The following CDH13 variants were observed in gnomAD, a reference collection of about 807,000 sequenced individuals.
The protein encoded by CDH13 is cadherin 13.
In CDH13, 24 loss-of-function variants were observed where a neutral mutation model predicts 63.8. That is an observed-to-expected ratio of 0.38 (90% CI 0.27 to 0.53). The LOEUF (loss-of-function observed/expected upper bound fraction) is 0.53, where lower values mean the gene tolerates loss of function less well. CDH13 is among the 20% of genes least tolerant of loss of function. CDH13 has a pLI of 0.85. For synonymous variants in CDH13, 503 were observed against 355.3 expected (o/e 1.42, Z -4.67); for missense variants, 1,049 against 903.1 (o/e 1.16, Z -2.07).
chr16:83,065,609 G>A (rs964999716), intron 3 of CDH13, among the ~76,000 whole-genome samples: 11 of 151,548 alleles, frequency 7.3e-5, no homozygotes, highest in Admixed American at 5.3e-4. Context: ...GGAGGCTAAG[G>A]CAAGAGAATC....
chr16:82,703,334 T>A (rs1410574259), intron 1 of CDH13, among the ~76,000 whole-genome samples: 1 of 152,108 alleles, frequency 6.6e-6, no homozygotes, highest in Admixed American at 6.5e-5. Flanking sequence ...CTTCTCACTG[T>A]GAACCCTGAG....
At chr16:83,263,436 C>G (rs995895042) in intron 5 of CDH13, among the ~76,000 whole-genome samples, 6 of 152,088 alleles carry the variant, frequency 3.9e-5, no homozygotes, top group Admixed American at 1.3e-4. Context: ...GGTTCTTCCT[C>G]TTGAGATATG....
At chr16:83,517,263 T>C (rs1333800652) in intron 7 of CDH13, among the ~76,000 whole-genome samples, 1 of 152,232 alleles carries the variant, frequency 6.6e-6, no homozygotes, top group East Asian at 1.9e-4. Context: ...AAAGAGATTA[T>C]CAATCTAAAA....
chr16:83,433,713 C>G (rs1184657267), intron 6 of CDH13, among the ~76,000 whole-genome samples: 2 of 152,206 alleles, frequency 1.3e-5, no homozygotes, highest in Non-Finnish European at 2.9e-5. Flanking sequence ...ATGTGGCAAA[C>G]AGGCTGATGT....
chr16:83,713,797 C>T (rs1908454374), intron 10 of CDH13, among the ~76,000 whole-genome samples: 2 of 152,142 alleles, frequency 1.3e-5, no homozygotes, highest in Admixed American at 1.3e-4. Context: ...CAGTCCATGC[C>T]AGTGACGTCA....
intron 1 of CDH13, among the ~76,000 whole-genome samples, chr16:82,762,542 T>G (rs1184570039): frequency 6.6e-6 from 1 of 152,216 alleles, no homozygotes; most frequent in African/African-American, 2.4e-5. Flanking sequence ...TTCTACTAAT[T>G]AGAAGCCAGA....
chr16:82,888,434 A>G (rs1184600677), intron 2 of CDH13, among the ~76,000 whole-genome samples: 1 of 152,232 alleles, frequency 6.6e-6, no homozygotes, highest in Non-Finnish European at 1.5e-5. Context: ...GGACTGGACT[A>G]GAAACAGAAT....
intron 4 of CDH13, among the ~76,000 whole-genome samples, chr16:83,160,262 T>G (rs1377513784): frequency 6.6e-6 from 1 of 152,028 alleles, no homozygotes; most frequent in Non-Finnish European, 1.5e-5. Flanking sequence ...TCATTGGTAA[T>G]GAGGGAGGCT....
intron 6 of CDH13, among the ~76,000 whole-genome samples, chr16:83,375,956 G>T (rs115515896): frequency 6.6e-6 from 1 of 152,188 alleles, no homozygotes; most frequent in African/African-American, 2.4e-5. Context: ...GACTATTAGG[G>T]TGAGTTTAAG....
intron 1 of CDH13, among the ~76,000 whole-genome samples, chr16:82,790,977 C>T (rs2036269004): frequency 6.6e-6 from 1 of 152,212 alleles, no homozygotes; most frequent in African/African-American, 2.4e-5. Context: ...GTGGCTCACG[C>T]CTGTAATCCC....
intron 8 of CDH13, among the ~76,000 whole-genome samples, chr16:83,627,853 C>A (rs1483870289): frequency 6.6e-6 from 1 of 152,190 alleles, no homozygotes; most frequent in African/African-American, 2.4e-5. Flanking sequence ...GACAGAGCAG[C>A]CCCAAGGGCC....
intron 10 of CDH13, among the ~76,000 whole-genome samples, chr16:83,732,283 G>C (rs369193655): frequency 6.6e-6 from 1 of 152,192 alleles, no homozygotes. Flanking sequence ...CTGGTTAGGA[G>C]GGAGATGATG....
chr16:83,486,670 A>C lies in CDH13; in HGVS notation c.960+15A>C, dbSNP rs1567705784. 1 of 1,610,806 alleles carries C rather than the reference A, an allele frequency of 6.2e-7. No homozygotes were observed. Among genetic ancestry groups the C allele is most frequent in the Admixed American group, 1.7e-5 (1 of 59,986 alleles). On this transcript the variant is annotated intron_variant, in intron 7 of 13. Transcript: ENST00000567109. ...TGGACCGAGAGGTGAGCTGAAAAGA[A>C]TACACTTTCTTTTTCACGAGAATAG...
chr16:83,417,357 A>G (rs17214677), intron 6 of CDH13, among the ~76,000 whole-genome samples: 18,988 of 152,142 alleles, frequency 0.12, 1,342 homozygotes, highest in African/African-American at 0.19. Context: ...TTCACCTGTG[A>G]ATTAGCAAAT....
chr16:83,523,391 C>G (rs1296978653), intron 7 of CDH13, among the ~76,000 whole-genome samples: 3 of 152,234 alleles, frequency 2.0e-5, no homozygotes, highest in African/African-American at 7.2e-5. Context: ...CCATGCTCTT[C>G]AATCCTGATA....
chr16:83,147,465 G>A (rs778418075), intron 4 of CDH13, among the ~76,000 whole-genome samples: 5 of 152,122 alleles, frequency 3.3e-5, no homozygotes, highest in Non-Finnish European at 7.3e-5. Flanking sequence ...TTCTCTGTGT[G>A]ACCTCAAGTC....
intron 3 of CDH13, among the ~76,000 whole-genome samples, chr16:83,064,360 C>CTG (rs377364645): frequency 0.026 from 693 of 26,358 alleles, 2 homozygotes; most frequent in African/African-American, 0.12. Context: ...CAAAGTGAGA[C>CTG]TGTCTCAAAA....
chr16:83,029,998 G>A (rs1916156958), intron 2 of CDH13, among the ~76,000 whole-genome samples: 1 of 152,194 alleles, frequency 6.6e-6, no homozygotes, highest in Admixed American at 6.5e-5. Context: ...CACAGATAAT[G>A]AGTTGTGATA....
chr16:83,141,818 T>A (rs2036541025), intron 4 of CDH13, among the ~76,000 whole-genome samples: 1 of 152,202 alleles, frequency 6.6e-6, no homozygotes, highest in Non-Finnish European at 1.5e-5. Flanking sequence ...CTTCCAGCTT[T>A]ATCCATGTCC....
Sources: allele counts gnomAD v4.1 joint callset (sites outside exome capture counted in the v4.1 genomes callset), GRCh38; gene constraint gnomAD v4.1.1; transcripts MANE v1.5; gene names NCBI Gene and HGNC (gene_info 2026-07-23, HGNC 2026-07-21).